Variants in DDX5 observed in about 807,000 individuals in gnomAD.
DDX5 encodes the protein DEAD-box helicase 5, also known as probable ATP-dependent RNA helicase DDX5.
DDX5 carries 6 observed loss-of-function variants against 68.6 expected under a neutral mutation model. The ratio of observed to expected loss-of-function variants is 0.09; its 90% CI spans 0.05 to 0.17. DDX5 has a LOEUF of 0.17. Ranked by LOEUF, DDX5 falls within the 10% of genes least tolerant of loss-of-function variation. DDX5 has a pLI of 1.00. For missense variants in DDX5, 499 were observed against 756.1 expected, an observed-to-expected ratio of 0.66 and a Z score of 3.99; for synonymous variants, 350 against 247.0, an observed-to-expected ratio of 1.42 and a Z score of -3.91.
chr17:64,500,886 C>A, intron 11 of DDX5, 113 bp from the exon 12 acceptor site: 1 of 724,506 alleles, frequency 1.4e-6, no homozygotes, highest in Non-Finnish European at 2.3e-6. Flanking sequence ...GTACGGGCTG[C>A]AAAAAATACA....
At chr17:64,506,771 G>T (rs1255373854), upstream of DDX5, 5 of 515,014 alleles carry the variant, frequency 9.7e-6, no homozygotes, top group Non-Finnish European at 1.4e-5. Flanking sequence ...TGCGCTGCTC[G>T]CACCCCGGGA....
At chr17:64,502,278 A>G (rs1598148365) in intron 9 of DDX5, 55 bp from the exon 10 acceptor site, 3 of 1,584,498 alleles carry the variant, frequency 1.9e-6, no homozygotes, top group East Asian at 2.2e-5. Flanking sequence ...CTCAGACTCC[A>G]GTGCTTGACC....
intron 1 of DDX5, 57 bp downstream of exon 1, chr17:64,506,019 G>GGGCCCCCCCCCCCCCCC: frequency 6.6e-6 from 9 of 1,360,368 alleles, no homozygotes; most frequent in East Asian, 2.6e-5. Context: ...CCGCCACCCT[G>GGGCCCCCCCCCCCCCCC]ACCCGCCCTC....
chr17:64,498,994 C>T lies in DDX5; in HGVS notation c.*929G>A, dbSNP rs1346580517. ...AGAATTCCCTGAATTATTGGAAAGA[C>T]ATTCATGACTCCCAGTGTGACTAGT... On this transcript the variant is annotated 3_prime_UTR_variant, in exon 13 of 13. Coordinates refer to ENST00000225792, the MANE Select transcript of DDX5 (RefSeq NM_004396.5). Among the ~76,000 whole-genome samples the T allele has an allele frequency of 6.6e-6, 1 of 152,168 alleles. No individual in the cohort carries two copies. The highest frequency in any genetic ancestry group is 1.5e-5 in the Non-Finnish European group (1 of 68,024).
intron 1 of DDX5, 58 bp downstream of exon 1, chr17:64,506,018 T>TGGGGGGGGGGGGGGGGG: frequency 7.6e-7 from 1 of 1,309,548 alleles, no homozygotes; most frequent in Non-Finnish European, 1.1e-6. Context: ...GCCGCCACCC[T>TGGGGGGGGGGGGGGGGG]GACCCGCCCT....
At chr17:64,505,608 G>T in intron 1 of DDX5, 1 of 923,946 alleles carries the variant, frequency 1.1e-6, no homozygotes, top group Non-Finnish European at 1.7e-6. Context: ...TCCGAGGCCG[G>T]CATTTTGTAC....
Position 64,503,880 on chromosome 17 carries a change from G to A in DDX5, c.442-12C>T. The A allele has an allele frequency of 5.6e-6, 9 of 1,614,128 alleles. No homozygotes were observed. Among genetic ancestry groups the A allele is most frequent in the South Asian group, 2.2e-5 (2 of 91,068 alleles). Reference sequence around the variant, plus strand: ...GCAGGAAGCAAATACTATTTAGGGTGAAAGTGGGGACAAACAGAAATCACA... The same window carrying A: ...GCAGGAAGCAAATACTATTTAGGGTAAAAGTGGGGACAAACAGAAATCACA... On this transcript the variant is annotated splice_polypyrimidine_tract_variant and intron_variant, in intron 4 of 12. Coordinates refer to ENST00000225792, the MANE Select transcript of DDX5 (RefSeq NM_004396.5).
intron 1 of DDX5, chr17:64,505,529 C>T: frequency 3.2e-6 from 2 of 616,146 alleles, no homozygotes; most frequent in African/African-American, 1.8e-5. Flanking sequence ...TCTCTCTGCG[C>T]CACATTTTCT....
chr17:64,499,972 G>A lies in DDX5; in HGVS notation c.1796C>T (p.Ala599Val). ...NQQAYAYPATAAAPMIGYPMP... is the reference protein window; with the variant it reads ...NQQAYAYPATVAAPMIGYPMP... ...TGGATAACCAATCATAGGTGCAGCT[G>A]CAGTAGCAGGATATGCATATGCCTG... Residue 599 changes from alanine (A) to valine (V), a missense_variant, in exon 13 of 13, where the codon GCA (alanine) becomes GTA (valine). Transcript: ENST00000225792. 1 of 1,613,176 alleles carries A rather than the reference G, an allele frequency of 6.2e-7. No individual in the cohort carries two copies. The highest frequency in any genetic ancestry group is 8.5e-7 in the Non-Finnish European group (1 of 1,179,430).
intron 8 of DDX5, 133 bp from the exon 9 acceptor site, chr17:64,502,682 A>G (rs1245892963): frequency 1.3e-6 from 1 of 754,318 alleles, no homozygotes; most frequent in African/African-American, 1.8e-5. Flanking sequence ...CTGCTAATCC[A>G]CTTATCGAGC....
At chr17:64,506,509 C>T (rs896607050), upstream of DDX5, 67 of 799,566 alleles carry the variant, frequency 8.4e-5, no homozygotes, top group Non-Finnish European at 1.1e-4. Context: ...CTCTCTTGAC[C>T]TCACCTTCTT....
Position 64,502,907 on chromosome 17 carries a change from C to A in DDX5, c.983+19G>T. 2 of 1,559,472 alleles carry A rather than the reference C, an allele frequency of 1.3e-6. No individual in the cohort carries two copies. Among genetic ancestry groups the A allele is most frequent in the Non-Finnish European group, 1.7e-6 (2 of 1,153,564 alleles). ...CAAAGTTGTTAGGAAGCAAATATAACAGAGTTAATAAAACTTACTTTTCAT... is the reference window on the plus strand; with the variant it reads ...CAAAGTTGTTAGGAAGCAAATATAAAAGAGTTAATAAAACTTACTTTTCAT... On this transcript the variant is annotated intron_variant, in intron 8 of 12. Transcript: ENST00000225792.
chr17:64,504,467 A>G, intron 2 of DDX5, 149 bp from the exon 3 acceptor site: 1 of 819,760 alleles, frequency 1.2e-6, no homozygotes, highest in Non-Finnish European at 1.8e-6. Flanking sequence ...CCCTATTATG[A>G]AAAAAAAAAT....
intron 11 of DDX5, 146 bp downstream of exon 11, chr17:64,501,864 T>G: frequency 1.3e-6 from 1 of 755,492 alleles, no homozygotes; most frequent in Non-Finnish European, 2.2e-6. Flanking sequence ...CCGATTGTCA[T>G]GCCTAGGCCT....
Position 64,500,560 on chromosome 17 carries a change from T to C in DDX5, c.1430A>G (p.Asp477Gly). 1 of 1,613,618 alleles carries C rather than the reference T, an allele frequency of 6.2e-7. No individual in the cohort carries two copies. The highest frequency in any genetic ancestry group is 8.5e-7 in the Non-Finnish European group (1 of 1,179,732). ...INPKLLQLVEDRGSGRSRGRG... is the reference protein window; with the variant it reads ...INPKLLQLVEGRGSGRSRGRG... ...TCAGTCATCCTTACCTGAACCTCTGTCTTCGACCAACTGAAGCAACTTGGG... is the reference window on the plus strand; with the variant it reads ...TCAGTCATCCTTACCTGAACCTCTGCCTTCGACCAACTGAAGCAACTTGGG... The change falls in exon 12 of 13, where the codon GAC becomes GGC. Residue 477 changes from aspartate (D) to glycine (G), a missense_variant. Physicochemically the swap from Asp to Gly is moderately conservative, Grantham distance 94. Transcript: ENST00000225792.
rs920181365 is a variant in DDX5, at chr17:64,505,718, C to T, written c.44+358G>A. On this transcript the variant is annotated intron_variant, in intron 1 of 12. Coordinates refer to ENST00000225792, the MANE Select transcript of DDX5 (RefSeq NM_004396.5). ...TCGCTCCCACAGAATGCCCGGCCAC[C>T]CCAAAAACACCTCCCGAAACGCCGC... The T allele has an allele frequency of 2.6e-5, 40 of 1,535,600 alleles. No individual in the cohort carries two copies. The African/African-American group carries it at 4.7e-4, about 18-fold the overall frequency.
chr17:64,501,197 CA>C (rs2038290098), intron 11 of DDX5: 1 of 175,242 alleles, frequency 5.7e-6, no homozygotes, highest in African/African-American at 2.4e-5. Flanking sequence ...ATCAGAAGTT[CA>C]AAATTCTGGC....
chr17:64,504,961 C>T (rs1555671895), intron 1 of DDX5, 119 bp from the exon 2 acceptor site: 1 of 855,552 alleles, frequency 1.2e-6, no homozygotes, highest in Non-Finnish European at 1.7e-6. Context: ...AGAGGTAAAC[C>T]TAGCACTGTC....
intron 1 of DDX5, chr17:64,505,621 G>A (rs902495894): frequency 6.7e-6 from 7 of 1,042,482 alleles, no homozygotes; most frequent in Middle Eastern, 2.2e-4. Context: ...TTTTGTACTC[G>A]CGACTCAGCC....
Sources: gnomAD v4.1 joint callset for allele counts (sites outside exome capture counted in the v4.1 genomes callset) on GRCh38, gnomAD v4.1.1 for gene constraint, MANE v1.5 for transcripts, NCBI Gene and HGNC (gene_info 2026-07-23, HGNC 2026-07-21) for gene names.